Variants in VWC2L observed in about 807,000 individuals in gnomAD.
The protein encoded by VWC2L is von Willebrand factor C domain containing 2 like.
A neutral mutation model predicts 21.6 loss-of-function variants in VWC2L; 10 were observed. The observed-to-expected ratio is 0.46, with a 90% CI of 0.29 to 0.78. The LOEUF (loss-of-function observed/expected upper bound fraction) is 0.78, where lower values mean the gene tolerates loss of function less well. Ranked by LOEUF, VWC2L falls within the 30% of genes least tolerant of loss-of-function variation. The pLI, the probability that VWC2L is intolerant of heterozygous loss-of-function variation, is 0.10. For synonymous variants in VWC2L, 96 were observed against 94.3 expected, an observed-to-expected ratio of 1.02 and a Z score of -0.10; for missense variants, 209 against 277.1, an observed-to-expected ratio of 0.75 and a Z score of 1.74.
In VWC2L at chr2:214,576,987, G is replaced by A. The variant is rs1410115114; in HGVS notation, c.*1167G>A. On this transcript the variant is annotated 3_prime_UTR_variant, in exon 4 of 4. Transcript: ENST00000312504. ...TTTTAAAATGTATATATTAGATACT[G>A]AAAAATTAAAGTGAACCTTTGAAGA... 1 of 152,128 alleles carries A rather than the reference G, an allele frequency of 6.6e-6. No individual in the cohort carries two copies. The highest frequency in any genetic ancestry group is 2.4e-5 in the African/African-American group (1 of 41,420). The allele number at this position is 152,128 out of a possible 1,614,324, so 9.4% of individuals were successfully genotyped here. A position where few individuals can be genotyped will look rare whatever the true frequency, so the allele number is the denominator to read the frequency against.
chr2:214,499,519 T>A (rs4374372), intron 3 of VWC2L, among the ~76,000 whole-genome samples: 1 of 133,064 alleles, frequency 7.5e-6, no homozygotes, highest in Non-Finnish European at 1.6e-5. Flanking sequence ...GGGGGAGGGG[T>A]GGAGGGATAG....
At chr2:214,562,833 T>G (rs114353431) in intron 3 of VWC2L, among the ~76,000 whole-genome samples, 1,775 of 152,286 alleles carry the variant, frequency 0.012, 36 homozygotes, top group African/African-American at 0.038. Flanking sequence ...CTGGTGAATT[T>G]AAGTTCCTTG....
chr2:214,503,289 A>G (rs1688921353), intron 3 of VWC2L, among the ~76,000 whole-genome samples: 1 of 152,152 alleles, frequency 6.6e-6, no homozygotes, highest in African/African-American at 2.4e-5. Flanking sequence ...TACTCAGGAG[A>G]TAGGAAGCAA....
At chr2:214,420,307 C>T (rs978133922) in intron 2 of VWC2L, among the ~76,000 whole-genome samples, 2 of 151,844 alleles carry the variant, frequency 1.3e-5, no homozygotes, top group Non-Finnish European at 2.9e-5. Context: ...AGTCATTTGA[C>T]GTCTAGTTGT....
At chr2:214,418,808 C>A (rs1242894352) in intron 2 of VWC2L, among the ~76,000 whole-genome samples, 1 of 152,142 alleles carries the variant, frequency 6.6e-6, no homozygotes, top group Admixed American at 6.5e-5. Context: ...AAAAAATGCT[C>A]TTTGGGCAGT....
intron 3 of VWC2L, among the ~76,000 whole-genome samples, chr2:214,462,921 G>A (rs983453583): frequency 5.9e-5 from 9 of 151,912 alleles, no homozygotes; most frequent in African/African-American, 1.2e-4. Context: ...GTGTTGATTC[G>A]TTTTCAAATA....
chr2:214,457,169 T>G (rs1210857420), intron 3 of VWC2L, among the ~76,000 whole-genome samples: 1 of 152,134 alleles, frequency 6.6e-6, no homozygotes, highest in African/African-American at 2.4e-5. Flanking sequence ...AAGCATCCTT[T>G]TAGCAATGTT....
At chr2:214,469,850 T>C (rs1278799099) in intron 3 of VWC2L, among the ~76,000 whole-genome samples, 2 of 152,214 alleles carry the variant, frequency 1.3e-5, no homozygotes, top group African/African-American at 4.8e-5. Context: ...AAATCTTGGC[T>C]GTATGAATGA....
chr2:214,573,883 G>A (rs1400884165), intron 3 of VWC2L, among the ~76,000 whole-genome samples: 2 of 152,232 alleles, frequency 1.3e-5, no homozygotes, highest in Admixed American at 6.5e-5. Context: ...GCTCACACCT[G>A]TAATCCCAGC....
chr2:214,521,048 C>T (rs1689231286), intron 3 of VWC2L, among the ~76,000 whole-genome samples: 1 of 151,506 alleles, frequency 6.6e-6, no homozygotes, highest in Non-Finnish European at 1.5e-5. Context: ...ACGGTGAAAC[C>T]CCATCTCTAC....
chr2:214,436,480 A>C, intron 2 of VWC2L, 149 bp from the exon 3 acceptor site: 1 of 1,087,566 alleles, frequency 9.2e-7, no homozygotes, highest in Non-Finnish European at 1.3e-6. Context: ...CTTGCCTTCC[A>C]CCAAGGGAGA....
intron 3 of VWC2L, among the ~76,000 whole-genome samples, chr2:214,456,126 A>G (rs1219737861): frequency 6.6e-6 from 1 of 152,164 alleles, no homozygotes; most frequent in Non-Finnish European, 1.5e-5. Context: ...ACTGTTTTCA[A>G]TAATGGCTGT....
chr2:214,568,055 C>T (rs1352115496), intron 3 of VWC2L, among the ~76,000 whole-genome samples: 2 of 152,130 alleles, frequency 1.3e-5, no homozygotes, highest in Non-Finnish European at 2.9e-5. Flanking sequence ...ACCGAGGAAA[C>T]GGAATGTGAG....
At chr2:214,469,145 C>CA (rs1179876255) in intron 3 of VWC2L, among the ~76,000 whole-genome samples, 1 of 151,998 alleles carries the variant, frequency 6.6e-6, no homozygotes, top group Non-Finnish European at 1.5e-5. Flanking sequence ...GAAAAATATA[C>CA]AAAATGCAAT....
intron 3 of VWC2L, among the ~76,000 whole-genome samples, chr2:214,536,217 C>T (rs192966284): frequency 6.6e-6 from 1 of 152,246 alleles, no homozygotes; most frequent in East Asian, 1.9e-4. Flanking sequence ...CAAACACACA[C>T]TTGCTGAATG....
intron 3 of VWC2L, among the ~76,000 whole-genome samples, chr2:214,561,160 T>A (rs1451537165): frequency 2.0e-5 from 3 of 152,218 alleles, no homozygotes; most frequent in Non-Finnish European, 4.4e-5. Context: ...ATACCCAGTG[T>A]TGCTGATTCA....
At chr2:214,541,855 T>C (rs1689632985) in intron 3 of VWC2L, among the ~76,000 whole-genome samples, 1 of 152,130 alleles carries the variant, frequency 6.6e-6, no homozygotes, top group Non-Finnish European at 1.5e-5. Context: ...AAAACATATA[T>C]TCTAGGTGAA....
At chr2:214,527,237 G>T (rs1452493273) in intron 3 of VWC2L, among the ~76,000 whole-genome samples, 1 of 152,112 alleles carries the variant, frequency 6.6e-6, no homozygotes, top group Non-Finnish European at 1.5e-5. Context: ...AGATACTGGG[G>T]ATTATTAGAG....
At chr2:214,456,251 T>TA (rs1222233099) in intron 3 of VWC2L, among the ~76,000 whole-genome samples, 6 of 152,128 alleles carry the variant, frequency 3.9e-5, no homozygotes, top group Non-Finnish European at 5.9e-5. Context: ...GGTAAACTGA[T>TA]ATCTCATTGG....
Sources: allele counts gnomAD v4.1 joint callset (sites outside exome capture counted in the v4.1 genomes callset), GRCh38; gene constraint gnomAD v4.1.1; transcripts MANE v1.5; gene names NCBI Gene and HGNC (gene_info 2026-07-23, HGNC 2026-07-21).